Variants in ARHGEF26 observed in about 807,000 individuals in gnomAD.
The protein encoded by ARHGEF26 is Rho guanine nucleotide exchange factor 26, also known as Rho guanine nucleotide exchange factor (GEF) 26.
A neutral mutation model predicts 89.4 loss-of-function variants in ARHGEF26; 59 were observed. The ratio of observed to expected loss-of-function variants is 0.66; its 90% CI spans 0.54 to 0.82. The LOEUF is 0.82. ARHGEF26 is among the 40% of genes least tolerant of loss of function. The probability of loss-of-function intolerance (pLI) is 0.00; values close to 1 mark genes in which losing one functional copy is unlikely to be tolerated. For synonymous variants in ARHGEF26, 500 were observed against 428.4 expected, an observed-to-expected ratio of 1.17 and a Z score of -2.06; for missense variants, 1,234 against 1,085.6, an observed-to-expected ratio of 1.14 and a Z score of -1.92.
intron 11 of ARHGEF26, among the ~76,000 whole-genome samples, chr3:154,226,660 T>TACACAC (rs3029724): frequency 0.042 from 6,274 of 148,086 alleles, 154 homozygotes; most frequent in South Asian, 0.064. Context: ...GTTTCTGTTC[T>TACACAC]ACACACACAC....
At position 154,240,408 on chromosome 3, in the gene ARHGEF26, A is replaced by G; in HGVS notation, c.2129A>G (p.Asp710Gly). The G allele has an allele frequency of 6.2e-7, 1 of 1,613,478 alleles. No homozygotes were observed. The highest frequency in any genetic ancestry group is 8.5e-7 in the Non-Finnish European group (1 of 1,179,658). Residue 710 changes from aspartate (D) to glycine (G), a missense_variant, in exon 12 of 15, where the codon GAT becomes GGT. Asp to Gly is a moderately conservative substitution (Grantham distance 94). Transcript: ENST00000465093. The part of the protein sequence containing the change: ...SYNVNDYSLR[D>G]QLLVESCDNE... ...AACGTCAATGATTATTCCTTAAGAG[A>G]TCAGCTATTGGTGGAATCTTGTGAC...
At chr3:154,154,263 C>A (rs1013982920) in intron 6 of ARHGEF26, among the ~76,000 whole-genome samples, 3 of 151,926 alleles carry the variant, frequency 2.0e-5, no homozygotes, top group African/African-American at 7.2e-5. Flanking sequence ...CTGCTCCAGG[C>A]CTGGAATCAA....
At chr3:154,231,192 G>A (rs1016743568) in intron 11 of ARHGEF26, among the ~76,000 whole-genome samples, 2 of 152,160 alleles carry the variant, frequency 1.3e-5, no homozygotes, top group African/African-American at 4.8e-5. Context: ...GGCAAGATGG[G>A]GTGGAAAAGA....
chr3:154,123,202 A>G, intron 2 of ARHGEF26, 127 bp downstream of exon 2: 1 of 1,381,394 alleles, frequency 7.2e-7, no homozygotes, highest in Non-Finnish European at 9.8e-7. Context: ...TTTGCTCTTG[A>G]TTGCTAGTGT....
chr3:154,256,266 AGG>A lies in ARHGEF26; in HGVS notation c.*794_*795del, dbSNP rs1718499309. The A allele has an allele frequency of 4.8e-5, 47 of 984,786 alleles. No individual in the cohort carries two copies. The highest frequency in any genetic ancestry group is 5.5e-5 in the Non-Finnish European group (46 of 829,474). The allele number at this position is 984,786 out of a possible 1,614,324, so 61.0% of individuals were successfully genotyped here. A position where few individuals can be genotyped will look rare whatever the true frequency, so the allele number is the denominator to read the frequency against. ...ACTTTTTTCCCCACCTCTGTCGCCC[AGG>A]CTAGAGTATAGTGGTGTGATCTTGG... On this transcript the variant is annotated 3_prime_UTR_variant, in exon 15 of 15. Transcript: ENST00000465093.
intron 4 of ARHGEF26, among the ~76,000 whole-genome samples, chr3:154,137,326 C>T (rs1005381835): frequency 6.6e-6 from 1 of 152,194 alleles, no homozygotes; most frequent in Non-Finnish European, 1.5e-5. Context: ...TGATACCCTG[C>T]ACCACTTCGG....
chr3:154,231,372 G>A lies in ARHGEF26; in HGVS notation c.2090+5362G>A, dbSNP rs556136418. On this transcript the variant is annotated intron_variant, in intron 11 of 14. Coordinates refer to ENST00000465093, the MANE Select transcript of ARHGEF26 (RefSeq NM_015595.4). The stretch of plus-strand genomic sequence containing the variant: ...TGAGAAGCACAATATCGATGCCTGG[G>A]GTCAGAAAACTGAGCTCAAATCCTG... Among the ~76,000 whole-genome samples the A allele has an allele frequency of 1.1e-4, 16 of 152,158 alleles. 1 individual carries two copies. In the South Asian group the frequency reaches 3.1e-3, roughly 30 times the overall value.
chr3:154,201,260 T>G (rs1233123547), intron 9 of ARHGEF26, among the ~76,000 whole-genome samples: 2 of 151,878 alleles, frequency 1.3e-5, no homozygotes, highest in Non-Finnish European at 2.9e-5. Flanking sequence ...AGTGTTTGGT[T>G]TTTTGTCCTT....
Position 154,122,625 on chromosome 3 carries a change from G to T in ARHGEF26, c.633G>T (p.Ser211=). 1 of 1,613,786 alleles carries T rather than the reference G, an allele frequency of 6.2e-7. No individual in the cohort carries two copies. Among genetic ancestry groups the T allele is most frequent in the South Asian group, 1.1e-5 (1 of 91,086 alleles). Residue 211 remains serine (S), a synonymous_variant, in exon 2 of 15, where the codon TCG becomes TCT. Transcript: ENST00000465093. ...GLFPGPQKSS[S]EQKLPLQRLP... The stretch of plus-strand genomic sequence containing the variant: ...TTCCTGGGCCCCAGAAAAGTTCTTC[G>T]GAACAAAAACTCCCCCTCCAAAGGC...
At chr3:154,163,529 A>G (rs1406233541) in intron 6 of ARHGEF26, among the ~76,000 whole-genome samples, 1 of 152,198 alleles carries the variant, frequency 6.6e-6, no homozygotes, top group African/African-American at 2.4e-5. Context: ...TTTAAATTTT[A>G]ATCTGCCAGG....
chr3:154,129,001 A>G (rs1400218269), intron 3 of ARHGEF26, among the ~76,000 whole-genome samples: 1 of 152,108 alleles, frequency 6.6e-6, no homozygotes, highest in Non-Finnish European at 1.5e-5. Flanking sequence ...ATTGTATTTC[A>G]CGTGCTAAGC....
In ARHGEF26 at chr3:154,216,495, T is replaced by TA. The variant is rs1715743775; in HGVS notation, c.1846-1374_1846-1373insA. Among the ~76,000 whole-genome samples, 8 of 27,778 alleles carry TA rather than the reference T, an allele frequency of 2.9e-4. No individual in the cohort carries two copies. The South Asian group carries it at 0.014, about 48-fold the overall frequency. The allele number at this position is 27,778 out of a possible 152,430, so 18.2% of individuals were successfully genotyped here. ...CAGCACTTGTTTTTTTTTTTTTATT[T>TA]TTTTTTATTTTTTATTTTTTTTTTA... is the stretch of plus-strand genomic sequence containing the variant. On this transcript the variant is annotated intron_variant, in intron 9 of 14. Coordinates refer to ENST00000465093, the MANE Select transcript of ARHGEF26 (RefSeq NM_015595.4).
chr3:154,157,137 G>A (rs530701788), intron 6 of ARHGEF26, among the ~76,000 whole-genome samples: 1 of 151,626 alleles, frequency 6.6e-6, no homozygotes, highest in African/African-American at 2.4e-5. Flanking sequence ...TGTATCAGTA[G>A]TATGTCTCTG....
In ARHGEF26 at chr3:154,152,886, C is replaced by T. The variant is rs1395279334; in HGVS notation, c.1441C>T (p.His481Tyr). The T allele has an allele frequency of 1.3e-6, 2 of 1,598,806 alleles. No individual in the cohort carries two copies. Among genetic ancestry groups the T allele is most frequent in the East Asian group, 2.3e-5 (1 of 44,402 alleles). ...LSDTMTKTERHHLFSNITDVC... is the reference protein window; with the variant it reads ...LSDTMTKTERYHLFSNITDVC... ...TGATACAATGACTAAAACCGAGAGGCACCATCTTTTCTCCAATATTACAGA... is the reference window on the plus strand; with the variant it reads ...TGATACAATGACTAAAACCGAGAGGTACCATCTTTTCTCCAATATTACAGA... Residue 481 changes from histidine to tyrosine, a missense_variant, in exon 6 of 15, where the codon CAC (histidine) becomes TAC (tyrosine). Physicochemically the swap from His to Tyr is moderately conservative, Grantham distance 83. Transcript: ENST00000465093.
At chr3:154,172,136 T>C (rs915006225) in intron 6 of ARHGEF26, among the ~76,000 whole-genome samples, 1 of 152,198 alleles carries the variant, frequency 6.6e-6, no homozygotes, top group African/African-American at 2.4e-5. Context: ...GACCGGCTCA[T>C]TCAGGGTGTC....
chr3:154,239,299 A>AGAGTGTGTGTGTGTGT (rs1182446964), intron 11 of ARHGEF26, among the ~76,000 whole-genome samples: 4 of 64,254 alleles, frequency 6.2e-5, no homozygotes, highest in African/African-American at 1.8e-4. Flanking sequence ...AGAGAGAGAG[A>AGAGTGTGTGTGTGTGT]GTGTGTGTGT....
chr3:154,180,109 G>T (rs1713088939), intron 6 of ARHGEF26, among the ~76,000 whole-genome samples: 1 of 152,022 alleles, frequency 6.6e-6, no homozygotes, highest in African/African-American at 2.4e-5. Context: ...CTTCTCTTCT[G>T]ACTCTTATCC....
intron 7 of ARHGEF26, among the ~76,000 whole-genome samples, chr3:154,189,827 G>GTT (rs1286310894): frequency 5.5e-5 from 8 of 144,830 alleles, no homozygotes; most frequent in African/African-American, 2.1e-4. Flanking sequence ...TAATTTAGAG[G>GTT]TTTTTGTTTT....
intron 9 of ARHGEF26, among the ~76,000 whole-genome samples, chr3:154,215,110 A>C (rs1715637528): frequency 6.6e-6 from 1 of 152,164 alleles, no homozygotes; most frequent in African/African-American, 2.4e-5. Flanking sequence ...TACAATCCAG[A>C]CACCTTAAGA....
Sources: allele counts gnomAD v4.1 joint callset (sites outside exome capture counted in the v4.1 genomes callset), GRCh38; gene constraint gnomAD v4.1.1; transcripts MANE v1.5; gene names NCBI Gene and HGNC (gene_info 2026-07-23, HGNC 2026-07-21).